The following UBE2E1 variants were observed in gnomAD, a reference collection of about 807,000 sequenced individuals.
UBE2E1 encodes the protein ubiquitin conjugating enzyme E2 E1.
Under a neutral mutation model 21.4 loss-of-function variants are expected in UBE2E1, and 6 were observed. The observed-to-expected ratio is 0.28, with a 90% CI of 0.15 to 0.55. The LOEUF (loss-of-function observed/expected upper bound fraction) is 0.55, where lower values mean the gene tolerates loss of function less well. Among genes scored for constraint, UBE2E1 ranks in the 20% least tolerant of loss-of-function variants. UBE2E1 has a pLI of 0.93. For synonymous variants in UBE2E1, 87 were observed against 82.7 expected (o/e 1.05, Z -0.28); for missense variants, 142 against 236.5 (o/e 0.60, Z 2.62).
rs967030089 is a variant in UBE2E1, at chr3:23,816,135, A to G, written c.203+4625A>G. Among the ~76,000 whole-genome samples the G allele has an allele frequency of 3.9e-5, 6 of 152,184 alleles. No homozygotes were observed. In the East Asian group the frequency reaches 1.2e-3, roughly 29 times the overall value. ...TATATCTGGATTGTAAAACTGTACT[A>G]TTGTTATTCCTCAGAAAGCTAAACA... On this transcript the variant is annotated intron_variant, in intron 3 of 5. Transcript: ENST00000306627. The surrounding 1 kb of genome is among the most constrained non-coding windows in gnomAD (Gnocchi z 4.8).
chr3:23,839,672 AT>A (rs1052303340), intron 3 of UBE2E1, among the ~76,000 whole-genome samples: 7 of 151,912 alleles, frequency 4.6e-5, no homozygotes, highest in African/African-American at 1.7e-4. Flanking sequence ...TCTGAAAAAA[AT>A]CTTTGTCTTT....
chr3:23,888,080 C>T (rs1701231291), intron 4 of UBE2E1, among the ~76,000 whole-genome samples: 1 of 152,106 alleles, frequency 6.6e-6, no homozygotes, highest in Non-Finnish European at 1.5e-5. Flanking sequence ...ATTGTTTGAG[C>T]CCAAGAGTTT....
At chr3:23,851,214 T>A (rs1300789421) in intron 3 of UBE2E1, among the ~76,000 whole-genome samples, 1 of 152,072 alleles carries the variant, frequency 6.6e-6, no homozygotes, top group African/African-American at 2.4e-5. Flanking sequence ...AATGTAAGAG[T>A]TTATTTCTGG....
chr3:23,884,970 C>T (rs1407502089), intron 3 of UBE2E1, among the ~76,000 whole-genome samples: 2 of 152,198 alleles, frequency 1.3e-5, no homozygotes, highest in African/African-American at 4.8e-5. Context: ...GGTGTCATAG[C>T]TGTATCAGCC....
chr3:23,822,913 C>CACTGTTACCTGTG (rs1360400966), intron 3 of UBE2E1, among the ~76,000 whole-genome samples: 11 of 139,042 alleles, frequency 7.9e-5, no homozygotes, highest in African/African-American at 2.9e-4. Flanking sequence ...GTGGTGCCTT[C>CACTGTTACCTGTG]TTGGCTCACT....
At position 23,887,536 on chromosome 3, in the gene UBE2E1, A is replaced by C; in HGVS notation, c.204-31A>C. ...CTGTAAAAATTGGGATAGTGCCACC[A>C]TCTGCTTATTTGTTGACGTATTATT... On this transcript the variant is annotated intron_variant, in intron 3 of 5. Coordinates refer to ENST00000306627, the MANE Select transcript of UBE2E1 (RefSeq NM_003341.5). This position sits in a 1 kb window ranked among gnomAD's most constrained non-coding sequence, Gnocchi z 4.4. 6.3e-7 allele frequency: 1 copy of C among 1,589,702 alleles called. No homozygotes were observed. Among genetic ancestry groups the C allele is most frequent in the South Asian group, 1.2e-5 (1 of 86,654 alleles).
In UBE2E1 at chr3:23,810,940, C is replaced by T. The variant is rs946129328; in HGVS notation, c.153-520C>T. On this transcript the variant is annotated intron_variant, in intron 2 of 5. Transcript: ENST00000306627. This position sits in a 1 kb window ranked among gnomAD's most constrained non-coding sequence, Gnocchi z 5.8. Reference sequence around the variant, plus strand: ...GCCTCGTGGGGAGCGGCCATGTTGGCTTCGTCACTGAGGACTCCGGGCGGG... The same window carrying T: ...GCCTCGTGGGGAGCGGCCATGTTGGTTTCGTCACTGAGGACTCCGGGCGGG... 3 of 158,232 alleles carry T rather than the reference C, an allele frequency of 1.9e-5. No homozygotes were observed. Among genetic ancestry groups the T allele is most frequent in the Non-Finnish European group, 4.2e-5 (3 of 72,244 alleles). 9.8% of individuals were successfully genotyped at this position (158,232 alleles called of 1,614,324 possible).
chr3:23,837,143 T>C (rs1575819599), intron 3 of UBE2E1, among the ~76,000 whole-genome samples: 1 of 152,204 alleles, frequency 6.6e-6, no homozygotes, highest in Admixed American at 6.5e-5. Flanking sequence ...GATTTAGAAA[T>C]GTATATAAAG....
chr3:23,889,495 G>T (rs992066705), intron 5 of UBE2E1: 1 of 1,376,444 alleles, frequency 7.3e-7, no homozygotes, highest in South Asian at 1.8e-5. Flanking sequence ...ACGTAAGTTT[G>T]CCTTGGGCTT....
At chr3:23,865,072 T>C (rs190482665) in intron 3 of UBE2E1, among the ~76,000 whole-genome samples, 197 of 152,336 alleles carry the variant, frequency 1.3e-3, no homozygotes, top group African/African-American at 4.5e-3. Context: ...ATTTAGTATC[T>C]CACAGTTACT....
rs1195336738 is a variant in UBE2E1, at chr3:23,870,130, T to C, written c.204-17437T>C. Among the ~76,000 whole-genome samples, 1 of 152,146 alleles carries C rather than the reference T, an allele frequency of 6.6e-6. No homozygotes were observed. Among genetic ancestry groups the C allele is most frequent in the African/African-American group, 2.4e-5 (1 of 41,426 alleles). On this transcript the variant is annotated intron_variant, in intron 3 of 5. Coordinates refer to ENST00000306627, the MANE Select transcript of UBE2E1 (RefSeq NM_003341.5). This position sits in a 1 kb window ranked among gnomAD's most constrained non-coding sequence, Gnocchi z 4.2. ...AGCTGAGGGCTGTAACACCTTGGGC[T>C]TCTTGGCTAATTCTCATTCTTGATG... is the stretch of plus-strand genomic sequence containing the variant.
chr3:23,880,571 A>T (rs1004370678), intron 3 of UBE2E1, among the ~76,000 whole-genome samples: 4 of 152,192 alleles, frequency 2.6e-5, no homozygotes, highest in African/African-American at 9.6e-5. Flanking sequence ...CTCGAAAAAT[A>T]TCCTAAATTT....
chr3:23,818,355 G>C (rs1425893175), intron 3 of UBE2E1, among the ~76,000 whole-genome samples: 1 of 152,146 alleles, frequency 6.6e-6, no homozygotes, highest in Non-Finnish European at 1.5e-5. Context: ...TGAACTCCCA[G>C]ATCTACATGG....
At chr3:23,829,920 GT>G (rs1215356208) in intron 3 of UBE2E1, among the ~76,000 whole-genome samples, 1 of 152,116 alleles carries the variant, frequency 6.6e-6, no homozygotes, top group Non-Finnish European at 1.5e-5. Context: ...CGGAATTTCT[GT>G]AGAGAAACCC....
chr3:23,880,465 G>A (rs917329254), intron 3 of UBE2E1, among the ~76,000 whole-genome samples: 1 of 152,182 alleles, frequency 6.6e-6, no homozygotes, highest in Admixed American at 6.5e-5. Context: ...TACTAGGGAG[G>A]CTGAGGTGGG....
intron 3 of UBE2E1, among the ~76,000 whole-genome samples, chr3:23,855,557 C>T (rs879395934): frequency 5.3e-5 from 8 of 152,084 alleles, no homozygotes; most frequent in African/African-American, 1.2e-4. Context: ...AGGCCGGGCG[C>T]GGTGGCTCAC....
intron 3 of UBE2E1, among the ~76,000 whole-genome samples, chr3:23,867,860 G>A (rs750855110): frequency 4.6e-5 from 7 of 152,182 alleles, no homozygotes; most frequent in Admixed American, 6.5e-5. Context: ...CCAATAAAAT[G>A]TCAGTGGAAG....
intron 3 of UBE2E1, among the ~76,000 whole-genome samples, chr3:23,841,008 A>T (rs1700073984): frequency 6.6e-6 from 1 of 152,228 alleles, no homozygotes. Flanking sequence ...CATCTTGGTT[A>T]GAAGCTGAAG....
intron 3 of UBE2E1, among the ~76,000 whole-genome samples, chr3:23,879,986 C>T (rs1701001156): frequency 6.6e-6 from 1 of 152,240 alleles, no homozygotes; most frequent in Non-Finnish European, 1.5e-5. Context: ...TGGCTCACGC[C>T]TGTGAATCTC....
Sources: gnomAD v4.1 joint callset for allele counts (sites outside exome capture counted in the v4.1 genomes callset) on GRCh38, gnomAD v4.1.1 for gene constraint, Gnocchi (gnomAD v3.1) non-coding constraint, MANE v1.5 for transcripts, NCBI Gene and HGNC (gene_info 2026-07-23, HGNC 2026-07-21) for gene names.